The following DYNC1I1 variants were observed in gnomAD, a reference collection of about 807,000 sequenced individuals.
DYNC1I1 encodes cytoplasmic dynein 1 intermediate chain 1.
A neutral mutation model predicts 86.6 loss-of-function variants in DYNC1I1; 43 were observed. The observed-to-expected ratio is 0.50, with a 90% CI of 0.39 to 0.64. DYNC1I1 has a LOEUF of 0.64. Among genes scored for constraint, DYNC1I1 ranks in the 30% least tolerant of loss-of-function variants. The pLI is 0.00. For synonymous variants in DYNC1I1, 262 were observed against 283.7 expected, an observed-to-expected ratio of 0.92 and a Z score of 0.77; for missense variants, 604 against 788.8, an observed-to-expected ratio of 0.77 and a Z score of 2.81.
At chr7:95,900,691 T>C (rs948438634) in intron 6 of DYNC1I1, among the ~76,000 whole-genome samples, 1 of 152,192 alleles carries the variant, frequency 6.6e-6, no homozygotes, top group Non-Finnish European at 1.5e-5. Flanking sequence ...CTTGATGCCC[T>C]GGTTTACTTG....
rs1789262310 is a variant in DYNC1I1, at chr7:95,840,881, A to T, written c.374+12765A>T. 2.0e-5 allele frequency among the ~76,000 whole-genome samples: 3 copies of T among 152,204 alleles called. No homozygotes were observed. In the South Asian group the frequency reaches 6.2e-4, roughly 31 times the overall value. On this transcript the variant is annotated intron_variant, in intron 5 of 16. Coordinates refer to ENST00000447467, the MANE Select transcript of DYNC1I1 (RefSeq NM_001135556.2). Reference sequence around the variant, plus strand: ...AGTTGGAATAAATGATGCATTAGGTACGTGTTCTAATGCATCAATTTATTC... The same window carrying T: ...AGTTGGAATAAATGATGCATTAGGTTCGTGTTCTAATGCATCAATTTATTC...
chr7:95,957,799 G>T (rs4727330), intron 6 of DYNC1I1, among the ~76,000 whole-genome samples: 75,024 of 151,934 alleles, frequency 0.49, 18,887 homozygotes, highest in African/African-American at 0.55. Context: ...GGGGTGAAGA[G>T]CTCCATCCCC....
chr7:96,086,664 A>G (rs1320368359), intron 16 of DYNC1I1, among the ~76,000 whole-genome samples: 3 of 152,214 alleles, frequency 2.0e-5, no homozygotes, highest in Non-Finnish European at 4.4e-5. Flanking sequence ...TAAGTATAAT[A>G]CATTTGACAT....
At chr7:95,892,302 A>G (rs1790762139) in intron 6 of DYNC1I1, among the ~76,000 whole-genome samples, 1 of 151,422 alleles carries the variant, frequency 6.6e-6, no homozygotes, top group Non-Finnish European at 1.5e-5. Flanking sequence ...CCACGCCACC[A>G]TGCCCAGCTA....
Position 95,813,351 on chromosome 7 carries a change from C to G in DYNC1I1, c.314+14C>G, listed in dbSNP as rs1794874120. 2 of 1,599,478 alleles carry G rather than the reference C, an allele frequency of 1.3e-6. No individual in the cohort carries two copies. Among genetic ancestry groups the G allele is most frequent in the Non-Finnish European group, 1.7e-6 (2 of 1,175,512 alleles). Reference sequence around the variant, plus strand: ...GCCATTAACAAGGTAAGAATTGTCCCTTTAAAAGGCCATGATGGGTGTCAA... The same window carrying G: ...GCCATTAACAAGGTAAGAATTGTCCGTTTAAAAGGCCATGATGGGTGTCAA... On this transcript the variant is annotated intron_variant, in intron 4 of 16. Coordinates refer to ENST00000447467, the MANE Select transcript of DYNC1I1 (RefSeq NM_001135556.2).
intron 6 of DYNC1I1, among the ~76,000 whole-genome samples, chr7:95,924,772 A>AG (rs35945538): frequency 6.6e-6 from 1 of 152,288 alleles, no homozygotes; most frequent in South Asian, 2.1e-4. Flanking sequence ...AATCTGCTGA[A>AG]GGGGGAGTAT....
At chr7:96,058,252 C>T (rs1020012486) in intron 14 of DYNC1I1, among the ~76,000 whole-genome samples, 4 of 152,104 alleles carry the variant, frequency 2.6e-5, no homozygotes, top group Non-Finnish European at 5.9e-5. Flanking sequence ...TCATGGAGAA[C>T]GTAATGTGTT....
intron 1 of DYNC1I1, among the ~76,000 whole-genome samples, chr7:95,786,928 G>A (rs1279323264): frequency 1.3e-5 from 2 of 152,056 alleles, no homozygotes; most frequent in Non-Finnish European, 2.9e-5. Flanking sequence ...AAAATAACCC[G>A]GTGACACTCT....
chr7:95,933,071 G>A (rs1253628868), intron 6 of DYNC1I1, among the ~76,000 whole-genome samples: 1 of 151,794 alleles, frequency 6.6e-6, no homozygotes, highest in Non-Finnish European at 1.5e-5. Context: ...TAGTAGAGAT[G>A]GGGGTCTCAC....
chr7:95,818,718 T>C (rs1318505555), intron 4 of DYNC1I1: 2 of 425,446 alleles, frequency 4.7e-6, no homozygotes, highest in Non-Finnish European at 8.3e-6. Flanking sequence ...TGAGCAAAAA[T>C]AACAAAATAA....
intron 6 of DYNC1I1, among the ~76,000 whole-genome samples, chr7:95,938,988 T>C (rs986260723): frequency 2.0e-5 from 3 of 152,178 alleles, no homozygotes; most frequent in African/African-American, 7.2e-5. Flanking sequence ...GAGATTCTGG[T>C]ATGTTGTGTC....
intron 6 of DYNC1I1, among the ~76,000 whole-genome samples, chr7:95,923,761 A>T (rs770554654): frequency 2.0e-5 from 3 of 152,156 alleles, no homozygotes; most frequent in Non-Finnish European, 2.9e-5. Flanking sequence ...ATTGCTTTAA[A>T]CAAGATGCAC....
At chr7:95,858,257 T>A (rs546169993) in intron 5 of DYNC1I1, among the ~76,000 whole-genome samples, 1 of 152,188 alleles carries the variant, frequency 6.6e-6, no homozygotes, top group Non-Finnish European at 1.5e-5. Flanking sequence ...ATATGGCCTC[T>A]TACTGGTAAC....
chr7:95,935,383 A>G (rs896553325), intron 6 of DYNC1I1, among the ~76,000 whole-genome samples: 3 of 152,088 alleles, frequency 2.0e-5, no homozygotes, highest in Admixed American at 6.5e-5. Context: ...ATGTCAATGA[A>G]CATTTAGGTT....
At chr7:95,837,922 C>T (rs1789159144) in intron 5 of DYNC1I1, among the ~76,000 whole-genome samples, 1 of 152,194 alleles carries the variant, frequency 6.6e-6, no homozygotes, top group African/African-American at 2.4e-5. Context: ...CAGAAATCAC[C>T]CGTCTTCTGC....
At chr7:95,803,870 G>T (rs1794641894) in intron 1 of DYNC1I1, among the ~76,000 whole-genome samples, 1 of 152,174 alleles carries the variant, frequency 6.6e-6, no homozygotes, top group Admixed American at 6.5e-5. Context: ...TAATTAGTAA[G>T]AGTCTTCTTC....
chr7:96,084,192 ATT>A (rs915919261), intron 16 of DYNC1I1, among the ~76,000 whole-genome samples: 1 of 151,970 alleles, frequency 6.6e-6, no homozygotes, highest in African/African-American at 2.4e-5. Context: ...AGCTTGGGTC[ATT>A]GTCTTAAAAT....
At chr7:95,892,848 C>G in intron 6 of DYNC1I1, among the ~76,000 whole-genome samples, 1 of 144,814 alleles carries the variant, frequency 6.9e-6, no homozygotes, top group South Asian at 2.2e-4. Flanking sequence ...TGAGGAGGCC[C>G]AATACCATTT....
intron 16 of DYNC1I1, among the ~76,000 whole-genome samples, chr7:96,085,514 A>G (rs1209984756): frequency 6.6e-6 from 1 of 152,146 alleles, no homozygotes; most frequent in Non-Finnish European, 1.5e-5. Context: ...TGGTTGTTTG[A>G]TTTCAGCATT....
Sources: gnomAD v4.1 joint callset for allele counts (sites outside exome capture counted in the v4.1 genomes callset) on GRCh38, gnomAD v4.1.1 for gene constraint, MANE v1.5 for transcripts, NCBI Gene and HGNC (gene_info 2026-07-23, HGNC 2026-07-21) for gene names.